ZBTB20: variants seen among roughly 807,000 people sequenced by gnomAD.
ZBTB20 encodes zinc finger and BTB domain containing 20.
Under a neutral mutation model 56.9 loss-of-function variants are expected in ZBTB20, and 9 were observed. That is an observed-to-expected ratio of 0.16 (90% CI 0.10 to 0.28). The LOEUF is 0.28. Ranked by LOEUF, ZBTB20 falls within the 10% of genes least tolerant of loss-of-function variation. The pLI, the probability that ZBTB20 is intolerant of heterozygous loss-of-function variation, is 1.00. For missense variants in ZBTB20, 655 were observed against 1,003.0 expected (o/e 0.65, Z 4.69); for synonymous variants, 417 against 420.7 (o/e 0.99, Z 0.11).
chr3:114,949,705 T>G (rs1408374611), intron 3 of ZBTB20, among the ~76,000 whole-genome samples: 1 of 146,876 alleles, frequency 6.8e-6, no homozygotes, highest in Non-Finnish European at 1.5e-5. Context: ...GAGGCAAATT[T>G]TCAGTGAGCC....
At chr3:114,499,717 T>G (rs1020271351) in intron 7 of ZBTB20, among the ~76,000 whole-genome samples, 1 of 152,198 alleles carries the variant, frequency 6.6e-6, no homozygotes, top group African/African-American at 2.4e-5. Context: ...CTCTTTTTTT[T>G]CATATAAAAT....
intron 1 of ZBTB20, among the ~76,000 whole-genome samples, chr3:115,082,994 A>T (rs2082852565): frequency 6.6e-6 from 1 of 152,064 alleles, no homozygotes; most frequent in South Asian, 2.1e-4. Context: ...TTCCTGCTCA[A>T]ACCAAATGCT....
intron 2 of ZBTB20, among the ~76,000 whole-genome samples, chr3:115,027,736 A>C (rs1057109508): frequency 8.6e-5 from 13 of 150,960 alleles, no homozygotes; most frequent in Non-Finnish European, 1.9e-4. Context: ...ATGTCAAAAT[A>C]CTGTTACAGA....
chr3:115,063,637 CATT>C (rs2082092699), intron 2 of ZBTB20, among the ~76,000 whole-genome samples: 1 of 144,160 alleles, frequency 6.9e-6, no homozygotes, highest in Non-Finnish European at 1.5e-5. Context: ...TATCATTTCT[CATT>C]ATTGTCAAAG....
intron 4 of ZBTB20, among the ~76,000 whole-genome samples, chr3:114,880,210 A>G (rs982619728): frequency 4.6e-5 from 7 of 152,220 alleles, no homozygotes; most frequent in Admixed American, 3.3e-4. Context: ...ACTGCCTTAA[A>G]GCAAACAGAG....
At chr3:114,695,537 T>G (rs2062957012) in intron 5 of ZBTB20, among the ~76,000 whole-genome samples, 1 of 151,962 alleles carries the variant, frequency 6.6e-6, no homozygotes, top group African/African-American at 2.4e-5. Flanking sequence ...ACTTTTCCTC[T>G]GCTTCTTTTA....
At chr3:114,986,815 C>T (rs2078565420) in intron 2 of ZBTB20, among the ~76,000 whole-genome samples, 1 of 152,154 alleles carries the variant, frequency 6.6e-6, no homozygotes, top group African/African-American at 2.4e-5. Flanking sequence ...TGATAACACA[C>T]TGTCATAAGA....
At chr3:114,934,575 G>GT (rs1190471248) in intron 3 of ZBTB20, among the ~76,000 whole-genome samples, 1 of 152,104 alleles carries the variant, frequency 6.6e-6, no homozygotes, top group Non-Finnish European at 1.5e-5. Context: ...ACTTTCCAGA[G>GT]TAACTTTAGT....
At chr3:115,002,797 T>C (rs2079305397) in intron 2 of ZBTB20, among the ~76,000 whole-genome samples, 1 of 151,642 alleles carries the variant, frequency 6.6e-6, no homozygotes, top group African/African-American at 2.4e-5. Context: ...TACCATATGA[T>C]CTAGCAATCA....
intron 4 of ZBTB20, among the ~76,000 whole-genome samples, chr3:114,869,458 G>T (rs1009553988): frequency 4.6e-5 from 7 of 151,970 alleles, no homozygotes; most frequent in African/African-American, 1.4e-4. Context: ...GCTCTTCAGA[G>T]ATATTTTATT....
intron 1 of ZBTB20, among the ~76,000 whole-genome samples, chr3:115,073,832 G>GTAAA (rs10662837): frequency 0.98 from 148,902 of 151,960 alleles, 73,043 homozygotes; most frequent in East Asian, 1. Flanking sequence ...CTTAATTCTA[G>GTAAA]TAAACTAAAT....
At chr3:115,028,450 T>C (rs2080518346) in intron 2 of ZBTB20, among the ~76,000 whole-genome samples, 3 of 150,782 alleles carry the variant, frequency 2.0e-5, no homozygotes, top group African/African-American at 7.3e-5. Context: ...ATATCTTGGC[T>C]ATATTGTTTT....
At chr3:114,666,793 A>T (rs1578236470) in intron 6 of ZBTB20, among the ~76,000 whole-genome samples, 3 of 152,124 alleles carry the variant, frequency 2.0e-5, no homozygotes, top group South Asian at 2.1e-4. Context: ...ACTGTCCATG[A>T]GGTTCCCTTT....
Position 114,339,014 on chromosome 3 carries a change from A to G in ZBTB20, c.2217T>C (p.Ser739=), listed in dbSNP as rs770354915. 6.6e-7 allele frequency: 1 copy of G among 1,507,008 alleles called. No individual in the cohort carries two copies. The highest frequency in any genetic ancestry group is 2.3e-5 in the East Asian group (1 of 43,782). The allele number at this position is 1,507,008 out of a possible 1,614,324, so 93.4% of individuals were successfully genotyped here. Reference sequence around the variant, plus strand: ...GAGAGAAAGATACTACTTATCCGTCAGACACATGCATCCTCATGTGGTCGT... The same window carrying G: ...GAGAGAAAGATACTACTTATCCGTCGGACACATGCATCCTCATGTGGTCGT... ...QFNDHMRMHV[S]DG Residue 739 remains serine (S), a synonymous_variant, in exon 12 of 12, where the codon TCT becomes TCC. Coordinates refer to ENST00000675478, the MANE Select transcript of ZBTB20 (RefSeq NM_001348800.3). This position sits in a 1 kb window ranked among gnomAD's most constrained non-coding sequence, Gnocchi z 4.2.
At position 115,086,157 on chromosome 3, in the gene ZBTB20, G is replaced by A. The variant is rs563061375; in HGVS notation, c.-702-14743C>T. On this transcript the variant is annotated intron_variant, in intron 1 of 11. Coordinates refer to ENST00000675478, the MANE Select transcript of ZBTB20 (RefSeq NM_001348800.3). ...CTTTTATCTCACTAATAAATACCCT[G>A]GATTATATTTGTCCCCGGGATTACC... 2.0e-5 allele frequency among the ~76,000 whole-genome samples: 3 copies of A among 151,662 alleles called. No homozygotes were observed. In the South Asian group the frequency reaches 6.2e-4, roughly 31 times the overall value.
At chr3:114,549,550 T>C (rs935770816) in intron 6 of ZBTB20, among the ~76,000 whole-genome samples, 12 of 152,226 alleles carry the variant, frequency 7.9e-5, no homozygotes, top group Non-Finnish European at 1.5e-4. Flanking sequence ...AATTTCTTTT[T>C]GTAAACAGAA....
intron 3 of ZBTB20, among the ~76,000 whole-genome samples, chr3:114,913,167 C>A (rs1379549267): frequency 1.3e-5 from 2 of 152,028 alleles, no homozygotes; most frequent in African/African-American, 4.8e-5. Flanking sequence ...AGGCTGTTCT[C>A]CATAGTACTT....
intron 6 of ZBTB20, among the ~76,000 whole-genome samples, chr3:114,566,665 A>G (rs948070896): frequency 1.3e-5 from 2 of 152,212 alleles, no homozygotes; most frequent in Non-Finnish European, 2.9e-5. Context: ...TGTCGGGGTA[A>G]AAAGCACCTC....
intron 10 of ZBTB20, among the ~76,000 whole-genome samples, chr3:114,374,477 T>C (rs2083387860): frequency 6.6e-6 from 1 of 152,242 alleles, no homozygotes; most frequent in African/African-American, 2.4e-5. Flanking sequence ...CAAATTAGTG[T>C]GACCCTAAAA....
Sources: allele counts gnomAD v4.1 joint callset (sites outside exome capture counted in the v4.1 genomes callset), GRCh38; gene constraint gnomAD v4.1.1; non-coding constraint Gnocchi (gnomAD v3.1); transcripts MANE v1.5; gene names NCBI Gene and HGNC (gene_info 2026-07-23, HGNC 2026-07-21).